FAR1: variants seen among roughly 807,000 people sequenced by gnomAD.
The protein encoded by FAR1 is male sterility domain-containing protein 2.
FAR1 carries 22 observed loss-of-function variants against 61.1 expected under a neutral mutation model. The ratio of observed to expected loss-of-function variants is 0.36; its 90% CI spans 0.26 to 0.51. The LOEUF (loss-of-function observed/expected upper bound fraction) is 0.51, where lower values mean the gene tolerates loss of function less well. FAR1 is among the 20% of genes least tolerant of loss of function. FAR1 has a pLI of 0.95. For synonymous variants in FAR1, 206 were observed against 209.7 expected, an observed-to-expected ratio of 0.98 and a Z score of 0.15; for missense variants, 359 against 626.9, an observed-to-expected ratio of 0.57 and a Z score of 4.56.
rs1848451054 is a variant in FAR1, at chr11:13,707,880, C to A, written c.366-20C>A. 2.0e-6 allele frequency: 3 copies of A among 1,463,914 alleles called. No homozygotes were observed. 90.7% of individuals were successfully genotyped at this position (1,463,914 alleles called of 1,614,324 possible). A position where few individuals can be genotyped will look rare whatever the true frequency, so the allele number is the denominator to read the frequency against. On this transcript the variant is annotated intron_variant, in intron 3 of 11. Coordinates refer to ENST00000354817, the MANE Select transcript of FAR1 (RefSeq NM_032228.6). The stretch of plus-strand genomic sequence containing the variant: ...ACATAGCTTCCCAATTTTCTATTGT[C>A]ACTTTTTCTTTTTAAACAGAGATGC...
At chr11:13,723,397 CTT>C (rs777285403) in intron 10 of FAR1, 1 of 359,248 alleles carries the variant, frequency 2.8e-6, no homozygotes, top group African/African-American at 2.4e-5. Context: ...CAAAAAAAAA[CTT>C]TTTTATTTAT....
At chr11:13,711,075 C>A in intron 5 of FAR1, 1 of 498,870 alleles carries the variant, frequency 2.0e-6, no homozygotes, top group Non-Finnish European at 3.5e-6. Flanking sequence ...AAATGTAGAT[C>A]AACATTTAAA....
rs2134185787 is a variant in FAR1 at position 13,702,955 on chromosome 11, G to C, written c.365+2463G>C. ...TTCTTCTTTTACTAGAGATGCCATA[G>C]CAGAAGGCATCTTATGTATTACATT... On this transcript the variant is annotated intron_variant, in intron 3 of 11. Coordinates refer to ENST00000354817, the MANE Select transcript of FAR1 (RefSeq NM_032228.6). Among the ~76,000 whole-genome samples the C allele has an allele frequency of 1.3e-5, 2 of 152,298 alleles. 1 individual carries two copies. The highest frequency in any genetic ancestry group is 3.9e-4 in the East Asian group (2 of 5,190).
chr11:13,707,398 A>T (rs529410617), intron 3 of FAR1, among the ~76,000 whole-genome samples: 14 of 152,274 alleles, frequency 9.2e-5, no homozygotes, highest in South Asian at 4.1e-4. Context: ...AGGAAAATAA[A>T]CATCTTCTTT....
intron 3 of FAR1, among the ~76,000 whole-genome samples, chr11:13,701,204 A>G (rs1156965273): frequency 6.6e-6 from 1 of 151,844 alleles, no homozygotes; most frequent in African/African-American, 2.4e-5. Flanking sequence ...TAGACTTGGT[A>G]TAGGTTTCAA....
Position 13,710,760 on chromosome 11 carries a change from A to G in FAR1, c.613A>G (p.Ile205Val), listed in dbSNP as rs1002789464. 1 of 1,612,754 alleles carries G rather than the reference A, an allele frequency of 6.2e-7. No individual in the cohort carries two copies. The highest frequency in any genetic ancestry group is 8.5e-7 in the Non-Finnish European group (1 of 1,179,484). ...KLIGDRPNTY[I>V]YTKALAEYVV... Reference sequence around the variant, plus strand: ...GATAGGAGACAGACCTAATACATACATATACACAAAAGCATTGGCAGAATA... The same window carrying G: ...GATAGGAGACAGACCTAATACATACGTATACACAAAAGCATTGGCAGAATA... The change falls in exon 5 of 12, where the codon ATA (isoleucine) becomes GTA (valine). Residue 205 changes from isoleucine to valine, a missense_variant. This residue lies in a region of FAR1 where 344 missense variants were observed against 570.3 expected (regional missense o/e 0.60). Coordinates refer to ENST00000354817, the MANE Select transcript of FAR1 (RefSeq NM_032228.6).
intron 10 of FAR1, among the ~76,000 whole-genome samples, chr11:13,723,179 A>G (rs1848630467): frequency 1.3e-5 from 2 of 151,862 alleles, no homozygotes; most frequent in South Asian, 2.1e-4. Flanking sequence ...AGCCTGGGCA[A>G]TGTAGCGAGA....
rs1007470499 is a variant in FAR1, at chr11:13,702,307, T to TA, written c.365+1816dup. On this transcript the variant is annotated intron_variant, in intron 3 of 11. Coordinates refer to ENST00000354817, the MANE Select transcript of FAR1 (RefSeq NM_032228.6). ...GCAGTTACAGGTAGGTTTTTAGTCT[T>TA]ACCTGTATATTATTTTTTCTACTAT... is the stretch of plus-strand genomic sequence containing the variant. Among the ~76,000 whole-genome samples the TA allele has an allele frequency of 3.1e-4, 47 of 152,278 alleles. 2 individuals carry two copies. The Middle Eastern group carries it at 0.01, about 33-fold the overall frequency.
intron 1 of FAR1, among the ~76,000 whole-genome samples, chr11:13,690,533 A>C (rs1354146993): frequency 6.6e-6 from 1 of 152,168 alleles, no homozygotes; most frequent in Non-Finnish European, 1.5e-5. Context: ...AGTTTATCTG[A>C]ATTTCTGTGT....
chr11:13,703,847 C>A (rs1848403963), intron 3 of FAR1, among the ~76,000 whole-genome samples: 1 of 151,786 alleles, frequency 6.6e-6, no homozygotes, highest in African/African-American at 2.4e-5. Flanking sequence ...AGTTCAAGAC[C>A]AGCCTGGCCA....
chr11:13,721,487 G>A lies in FAR1; in HGVS notation c.1128-243G>A, dbSNP rs1848608605. 2 of 367,854 alleles carry A rather than the reference G, an allele frequency of 5.4e-6. No individual in the cohort carries two copies. Among genetic ancestry groups the A allele is most frequent in the South Asian group, 7.4e-5 (2 of 27,024 alleles). 22.8% of individuals were successfully genotyped at this position (367,854 alleles called of 1,614,324 possible). ...TGTATATCAGCAGAACTCTGTTTAGGTGGTATTAAATGCATTTGCTGCTGC... is the reference window on the plus strand; with the variant it reads ...TGTATATCAGCAGAACTCTGTTTAGATGGTATTAAATGCATTTGCTGCTGC... On this transcript the variant is annotated intron_variant, in intron 9 of 11. Coordinates refer to ENST00000354817, the MANE Select transcript of FAR1 (RefSeq NM_032228.6). The surrounding 1 kb of genome is among the most constrained non-coding windows in gnomAD (Gnocchi z 4.2).
intron 1 of FAR1, among the ~76,000 whole-genome samples, chr11:13,670,707 C>A (rs1847990985): frequency 1.4e-5 from 2 of 145,196 alleles, no homozygotes; most frequent in African/African-American, 5.1e-5. Flanking sequence ...AGCTAAGTAG[C>A]TTGAGGGTTT....
Position 13,696,743 on chromosome 11 carries a change from TATGTATAGCA to T in FAR1, c.189+1790_189+1799del, listed in dbSNP as rs138388361. 4.7e-3 allele frequency among the ~76,000 whole-genome samples: 720 copies of T among 152,300 alleles called. 4 individuals are homozygous for T. The highest frequency in any genetic ancestry group is 0.017 in the African/African-American group (690 of 41,564). On this transcript the variant is annotated intron_variant, in intron 2 of 11. Transcript: ENST00000354817. Reference sequence around the variant, plus strand: ...AATCCTAAAGCCATGTATTCTCCATTATGTATAGCATTGCTGGTGAGTCCATAAAAATGAG... The same window carrying T: ...AATCCTAAAGCCATGTATTCTCCATTTTGCTGGTGAGTCCATAAAAATGAG...
chr11:13,712,143 T>C (rs867694686), intron 7 of FAR1, 97 bp downstream of exon 7: 3 of 857,784 alleles, frequency 3.5e-6, no homozygotes, highest in Middle Eastern at 5.4e-4. Flanking sequence ...TATCCAGATA[T>C]TGCCATACCA....
intron 1 of FAR1, among the ~76,000 whole-genome samples, chr11:13,687,525 T>A (rs1848200648): frequency 6.6e-6 from 1 of 152,176 alleles, no homozygotes. Context: ...CTTTCATGGC[T>A]TTTGCTTTTC....
chr11:13,724,850 G>T (rs1848652969), intron 10 of FAR1, among the ~76,000 whole-genome samples: 1 of 152,160 alleles, frequency 6.6e-6, no homozygotes, highest in African/African-American at 2.4e-5. Flanking sequence ...AGAGGCACAG[G>T]TGGGTACAGA....
chr11:13,693,695 T>C (rs1286593155), intron 1 of FAR1, among the ~76,000 whole-genome samples: 3 of 152,122 alleles, frequency 2.0e-5, no homozygotes, highest in Non-Finnish European at 4.4e-5. Context: ...ATTATAGTCC[T>C]TTCCTGTCCT....
At chr11:13,716,144 G>A (rs1236862720) in intron 9 of FAR1, among the ~76,000 whole-genome samples, 2 of 152,068 alleles carry the variant, frequency 1.3e-5, no homozygotes, top group Non-Finnish European at 2.9e-5. Context: ...AATGGTGGCA[G>A]TGCATGCTTT....
At chr11:13,690,689 T>G (rs923940430) in intron 1 of FAR1, among the ~76,000 whole-genome samples, 2 of 152,216 alleles carry the variant, frequency 1.3e-5, no homozygotes, top group African/African-American at 4.8e-5. Context: ...CTTTGTTATT[T>G]ATGTTTGTCT....
Sources: gnomAD v4.1 joint callset for allele counts (sites outside exome capture counted in the v4.1 genomes callset) on GRCh38, gnomAD v4.1.1 for gene constraint, gnomAD v4.1.1 regional missense constraint, Gnocchi (gnomAD v3.1) non-coding constraint, MANE v1.5 for transcripts, NCBI Gene and HGNC (gene_info 2026-07-23, HGNC 2026-07-21) for gene names.